The following MAPT variants were observed in gnomAD, a reference collection of about 807,000 sequenced individuals.
MAPT encodes the protein microtubule associated protein tau, also known as microtubule-associated protein tau.
MAPT carries 34 observed loss-of-function variants against 67.9 expected under a neutral mutation model. The ratio of observed to expected loss-of-function variants is 0.50; its 90% confidence interval spans 0.38 to 0.67. The LOEUF is 0.67. Among genes scored for constraint, MAPT ranks in the 30% least tolerant of loss-of-function variants. The pLI is 0.00. For missense variants in MAPT, 881 were observed against 1,115.2 expected, an observed-to-expected ratio of 0.79 and a Z score of 2.99; for synonymous variants, 456 against 464.5, an observed-to-expected ratio of 0.98 and a Z score of 0.23.
At chr17:45,957,912 A>C (rs575084416) in intron 1 of MAPT, among the ~76,000 whole-genome samples, 21 of 152,344 alleles carry the variant, frequency 1.4e-4, no homozygotes, top group African/African-American at 4.8e-4. Flanking sequence ...AAGGTCAAAT[A>C]ATTTTGAAAA....
intron 1 of MAPT, among the ~76,000 whole-genome samples, chr17:45,956,583 TA>T (rs1568230851): frequency 2.5e-3 from 65 of 26,216 alleles, no homozygotes; most frequent in African/African-American, 5.9e-3. Flanking sequence ...TATATATATA[TA>T]TATATATATA....
intron 1 of MAPT, among the ~76,000 whole-genome samples, chr17:45,952,553 G>A (rs1487017590): frequency 6.6e-6 from 1 of 152,242 alleles, no homozygotes; most frequent in Non-Finnish European, 1.5e-5. Flanking sequence ...GGGAGGCCAA[G>A]GCAGGTGGAT....
rs528729068 is a variant in MAPT, at chr17:46,016,007, A to G, written c.2173+1683A>G. On this transcript the variant is annotated intron_variant, in intron 11 of 12. Transcript: ENST00000262410. ...GGATGCATGAGCTTGGTCCCCAGCC[A>G]ACATGGGAGACACTTCACCATCGGC... Among the ~76,000 whole-genome samples, 22 of 152,340 alleles carry G rather than the reference A, an allele frequency of 1.4e-4. No individual in the cohort carries two copies. The South Asian group carries it at 4.6e-3, about 32-fold the overall frequency.
At chr17:46,016,213 G>A (rs940342951) in intron 11 of MAPT, among the ~76,000 whole-genome samples, 6 of 152,066 alleles carry the variant, frequency 3.9e-5, no homozygotes, top group South Asian at 2.1e-4. Context: ...CCGACATGGC[G>A]AAACCCCATG....
At chr17:45,992,280 G>T (rs1163492520) in intron 8 of MAPT, among the ~76,000 whole-genome samples, 10 of 152,182 alleles carry the variant, frequency 6.6e-5, no homozygotes, top group Non-Finnish European at 2.9e-5. Context: ...AGCCTCTCTG[G>T]CCCCAAGTCC....
At chr17:45,992,250 T>A (rs150710922) in intron 8 of MAPT, among the ~76,000 whole-genome samples, 1 of 152,338 alleles carries the variant, frequency 6.6e-6, no homozygotes, top group East Asian at 1.9e-4. Flanking sequence ...GTCACATGAC[T>A]ACTAAGTGGC....
At chr17:45,898,262 GAC>G (rs1188560328) in intron 1 of MAPT, 2 of 152,252 alleles carry the variant, frequency 1.3e-5, no homozygotes, top group Non-Finnish European at 2.9e-5. Context: ...TTGGATGAGT[GAC>G]AGTCCATGAC....
At chr17:45,926,953 A>ATG (rs1168140871) in intron 1 of MAPT, among the ~76,000 whole-genome samples, 3 of 108,166 alleles carry the variant, frequency 2.8e-5, no homozygotes, top group Non-Finnish European at 5.1e-5. Flanking sequence ...ATATACATAT[A>ATG]TGTGTATATA....
At position 46,027,078 on chromosome 17, in the gene MAPT, A is replaced by C. The variant is rs2076836429; in HGVS notation, c.*2907A>C. ...TTGAAGGGATCTGAGAAGGAGAAGGAAATGTGGGGTAGATTTGGTGGTGGT... is the reference window on the plus strand; with the variant it reads ...TTGAAGGGATCTGAGAAGGAGAAGGCAATGTGGGGTAGATTTGGTGGTGGT... On this transcript the variant is annotated 3_prime_UTR_variant, in exon 13 of 13. Transcript: ENST00000262410. 6.6e-6 allele frequency: 1 copy of C among 152,214 alleles called. No homozygotes were observed. The highest frequency in any genetic ancestry group is 2.1e-4 in the South Asian group (1 of 4,830). The allele number at this position is 152,214 out of a possible 1,614,324, so 9.4% of individuals were successfully genotyped here.
chr17:46,006,904 C>T (rs1362840009), intron 9 of MAPT, among the ~76,000 whole-genome samples: 2 of 148,076 alleles, frequency 1.4e-5, no homozygotes, highest in African/African-American at 5.0e-5. Flanking sequence ...GCCTGGGCGA[C>T]AAGGCAAGAT....
chr17:45,941,615 C>CTT (rs2067879650), intron 1 of MAPT, among the ~76,000 whole-genome samples: 4 of 128,022 alleles, frequency 3.1e-5, no homozygotes, highest in African/African-American at 9.5e-5. Flanking sequence ...TCCCTCCCTC[C>CTT]CCCCTTCCCT....
At chr17:45,965,576 T>C (rs77169816) in intron 2 of MAPT, among the ~76,000 whole-genome samples, 121,838 of 151,700 alleles carry the variant, frequency 0.8, 49,035 homozygotes, top group Non-Finnish European at 0.82. Flanking sequence ...CCACCACGCC[T>C]GGCCAGTTCT....
chr17:45,999,276 G>A (rs2074782927), intron 9 of MAPT: 1 of 1,612,104 alleles, frequency 6.2e-7, no homozygotes, highest in African/African-American at 1.3e-5. Flanking sequence ...CCCTAGTCTG[G>A]GCCATGAGTG....
intron 1 of MAPT, among the ~76,000 whole-genome samples, chr17:45,955,869 G>A (rs1358993379): frequency 6.6e-6 from 1 of 152,178 alleles, no homozygotes; most frequent in Non-Finnish European, 1.5e-5. Flanking sequence ...CCAAGTAGCT[G>A]GGATTACAGG....
At chr17:46,007,924 A>G (rs1452657216) in intron 9 of MAPT, among the ~76,000 whole-genome samples, 1 of 152,192 alleles carries the variant, frequency 6.6e-6, no homozygotes, top group Non-Finnish European at 1.5e-5. Context: ...TCTTTGCATC[A>G]AATCCAGCTC....
intron 12 of MAPT, among the ~76,000 whole-genome samples, chr17:46,019,120 C>A (rs62062286): frequency 6.6e-6 from 1 of 152,138 alleles, no homozygotes; most frequent in Non-Finnish European, 1.5e-5. Context: ...CACAGTTCCA[C>A]ATGGCTGGGG....
chr17:46,023,841 A>G, intron 12 of MAPT, 115 bp from the exon 13 acceptor site: 1 of 866,136 alleles, frequency 1.2e-6, no homozygotes, highest in African/African-American at 1.6e-5. Context: ...ACCCTGTCTC[A>G]AAAACAAACA....
chr17:45,967,737 G>A (rs1389273633), intron 2 of MAPT, among the ~76,000 whole-genome samples: 2 of 152,044 alleles, frequency 1.3e-5, no homozygotes, highest in Admixed American at 6.6e-5. Flanking sequence ...CGCCCCAGGT[G>A]GAGTGCCTTT....
At chr17:45,978,651 CA>C in intron 4 of MAPT, 1 of 575,344 alleles carries the variant, frequency 1.7e-6, no homozygotes, top group Non-Finnish European at 3.1e-6. Flanking sequence ...ATTCCTAAGG[CA>C]TTTAGTGTTC....
Sources: gnomAD v4.1 joint callset for allele counts (sites outside exome capture counted in the v4.1 genomes callset) on GRCh38, gnomAD v4.1.1 for gene constraint, MANE v1.5 for transcripts, NCBI Gene and HGNC (gene_info 2026-07-23, HGNC 2026-07-21) for gene names.